Variants in RABGAP1L observed in about 807,000 individuals in gnomAD.
RABGAP1L encodes the protein rab GTPase-activating protein 1-like.
In RABGAP1L, 63 loss-of-function variants were observed where a neutral mutation model predicts 137.7. The observed-to-expected ratio is 0.46, with a 90% CI of 0.37 to 0.56. The LOEUF (loss-of-function observed/expected upper bound fraction) is 0.56, where lower values mean the gene tolerates loss of function less well. Ranked by LOEUF, RABGAP1L falls within the 20% of genes least tolerant of loss-of-function variation. The pLI is 0.00. For synonymous variants in RABGAP1L, 431 were observed against 433.7 expected (o/e 0.99, Z 0.08); for missense variants, 1,095 against 1,244.0 (o/e 0.88, Z 1.80).
At position 174,621,718 on chromosome 1, in the gene RABGAP1L, A is replaced by G. The variant is rs546044019; in HGVS notation, c.1711-15657A>G. Among the ~76,000 whole-genome samples the G allele has an allele frequency of 1.3e-3, 203 of 152,338 alleles. 1 individual carries two copies. The highest frequency in any genetic ancestry group is 4.6e-3 in the African/African-American group (191 of 41,558). ...AAAATTAATTCAAGATGGATTAAAG[A>G]CTTAAACGTTAGACCTAAAACCATA... On this transcript the variant is annotated intron_variant, in intron 13 of 25. Transcript: ENST00000681986.
intron 10 of RABGAP1L, among the ~76,000 whole-genome samples, chr1:174,288,327 C>T (rs1558102116): frequency 6.6e-6 from 1 of 152,114 alleles, no homozygotes; most frequent in African/African-American, 2.4e-5. Flanking sequence ...TATGTTTTTA[C>T]ATTGTTAATT....
intron 13 of RABGAP1L, among the ~76,000 whole-genome samples, chr1:174,404,639 C>T (rs939698874): frequency 1.3e-5 from 2 of 152,054 alleles, no homozygotes; most frequent in East Asian, 1.9e-4. Flanking sequence ...TCTTTAAGTA[C>T]CTATTGTGTG....
chr1:174,810,392 A>G (rs1689752763), intron 18 of RABGAP1L, among the ~76,000 whole-genome samples: 1 of 152,228 alleles, frequency 6.6e-6, no homozygotes, highest in African/African-American at 2.4e-5. Context: ...AATCTAGATT[A>G]CAAGATGTTG....
chr1:174,870,790 T>G (rs1319219021), intron 19 of RABGAP1L, among the ~76,000 whole-genome samples: 1 of 151,390 alleles, frequency 6.6e-6, no homozygotes, highest in African/African-American at 2.4e-5. Flanking sequence ...CAGGCTGGAG[T>G]GCAGTGGTGC....
At chr1:174,267,523 A>G (rs552406506) in intron 7 of RABGAP1L, among the ~76,000 whole-genome samples, 7 of 152,266 alleles carry the variant, frequency 4.6e-5, no homozygotes, top group African/African-American at 1.7e-4. Flanking sequence ...GACTCTGGCA[A>G]ATTTTTCACA....
intron 13 of RABGAP1L, among the ~76,000 whole-genome samples, chr1:174,491,267 G>C (rs1190880638): frequency 1.3e-5 from 2 of 151,866 alleles, no homozygotes; most frequent in Non-Finnish European, 2.9e-5. Context: ...AGGGCCAAAG[G>C]GTTCTTTAGT....
At chr1:174,819,246 GAGAGAGAGAGATGAGTAAGTACA>G (rs937763099) in intron 19 of RABGAP1L, among the ~76,000 whole-genome samples, 3 of 148,546 alleles carry the variant, frequency 2.0e-5, no homozygotes, top group Admixed American at 6.8e-5. Context: ...GTAAGTATGG[GAGAGAGAGAGATGAGTAAGTACA>G]AGAGAGAGAG....
At chr1:174,896,744 GGTTGTAGATGT>G (rs1468625301) in intron 19 of RABGAP1L, among the ~76,000 whole-genome samples, 4 of 152,098 alleles carry the variant, frequency 2.6e-5, no homozygotes, top group Non-Finnish European at 4.4e-5. Flanking sequence ...AAGATCAGAT[GGTTGTAGATGT>G]GTGGTATTAT....
chr1:174,968,669 A>G (rs376728297), intron 20 of RABGAP1L, among the ~76,000 whole-genome samples: 2 of 152,308 alleles, frequency 1.3e-5, no homozygotes, highest in Admixed American at 6.5e-5. Flanking sequence ...AAAAAACTAG[A>G]TATCTTATGA....
chr1:174,534,501 G>T (rs2147903056), intron 13 of RABGAP1L, among the ~76,000 whole-genome samples: 2 of 152,094 alleles, frequency 1.3e-5, no homozygotes, highest in Admixed American at 1.3e-4. Flanking sequence ...AGCAGGCCAG[G>T]CAAGGTGACT....
chr1:174,304,092 ATTAC>A (rs1056066708), intron 10 of RABGAP1L, among the ~76,000 whole-genome samples: 37 of 152,202 alleles, frequency 2.4e-4, no homozygotes, highest in African/African-American at 7.7e-4. Flanking sequence ...ACGTGCTTGT[ATTAC>A]TTGTTTACTG....
At chr1:174,964,754 C>T in intron 20 of RABGAP1L, 2 of 1,286,208 alleles carry the variant, frequency 1.6e-6, no homozygotes, top group African/African-American at 1.5e-5. Context: ...TGAGACTTGC[C>T]CACTGGCTAC....
chr1:174,496,692 C>T (rs1017646664), intron 13 of RABGAP1L, among the ~76,000 whole-genome samples: 2 of 152,168 alleles, frequency 1.3e-5, no homozygotes, highest in East Asian at 1.9e-4. Context: ...AACTAGCACG[C>T]GTGTCCTCTC....
At chr1:174,321,223 C>T (rs1038890904) in intron 11 of RABGAP1L, among the ~76,000 whole-genome samples, 1 of 152,172 alleles carries the variant, frequency 6.6e-6, no homozygotes. Context: ...ACTCTGTCTC[C>T]TGATAAGATG....
rs1445674471 is a variant in RABGAP1L at position 174,329,659 on chromosome 1, A to G, written c.1465+24532A>G. Among the ~76,000 whole-genome samples, 7 of 152,326 alleles carry G rather than the reference A, an allele frequency of 4.6e-5. No individual in the cohort carries two copies. In the East Asian group the frequency reaches 1.3e-3, roughly 29 times the overall value. On this transcript the variant is annotated intron_variant, in intron 11 of 25. Coordinates refer to ENST00000681986, the MANE Select transcript of RABGAP1L (RefSeq NM_001366446.1). ...CTAGAAGGATTCAACCCAGGAATGT[A>G]AAGATGGTTTAACATAAGCAAATCA...
chr1:174,486,637 C>T (rs916139042), intron 13 of RABGAP1L, among the ~76,000 whole-genome samples: 4 of 151,916 alleles, frequency 2.6e-5, no homozygotes, highest in African/African-American at 7.3e-5. Flanking sequence ...TGAGCTACCG[C>T]GCCCGGCCTC....
intron 13 of RABGAP1L, among the ~76,000 whole-genome samples, chr1:174,580,182 G>T (rs1020450464): frequency 6.6e-6 from 1 of 152,184 alleles, no homozygotes; most frequent in Non-Finnish European, 1.5e-5. Context: ...GACATCATCA[G>T]GAAAATGAAA....
intron 11 of RABGAP1L, among the ~76,000 whole-genome samples, chr1:174,337,918 A>G (rs1681622056): frequency 6.6e-6 from 1 of 152,178 alleles, no homozygotes; most frequent in Admixed American, 6.5e-5. Flanking sequence ...TTATATTTTA[A>G]ATAGGAATAA....
At chr1:174,206,933 T>A (rs1025343385) in intron 1 of RABGAP1L, among the ~76,000 whole-genome samples, 5 of 152,154 alleles carry the variant, frequency 3.3e-5, no homozygotes, top group Non-Finnish European at 7.4e-5. Context: ...AGAATTGCTG[T>A]AGGTATGGGG....
Sources: gnomAD v4.1 joint callset for allele counts (sites outside exome capture counted in the v4.1 genomes callset) on GRCh38, gnomAD v4.1.1 for gene constraint, MANE v1.5 for transcripts, NCBI Gene and HGNC (gene_info 2026-07-23, HGNC 2026-07-21) for gene names.